The following SLC5A5 variants were observed in gnomAD, a reference collection of about 807,000 sequenced individuals.
The protein encoded by SLC5A5 is sodium/iodide cotransporter.
A neutral mutation model predicts 68.6 loss-of-function variants in SLC5A5; 56 were observed. The observed-to-expected ratio is 0.82, with a 90% confidence interval of 0.66 to 1.02. The LOEUF (loss-of-function observed/expected upper bound fraction) is 1.02. Among genes scored for constraint, SLC5A5 ranks in the 50% least tolerant of loss-of-function variants. The pLI is 0.00. For synonymous variants in SLC5A5, 398 were observed against 373.0 expected (o/e 1.07, Z -0.77); for missense variants, 807 against 859.8 (o/e 0.94, Z 0.77).
At position 17,872,274 on chromosome 19, in the gene SLC5A5, G is replaced by A. The variant is rs993887182; in HGVS notation, c.-46G>A. ...GCCCCTGCCAGCTTCCCCCGCTTGA[G>A]CACGCAGGGCGTCCGAGGACGCGCT... On this transcript the variant is annotated 5_prime_UTR_variant, in exon 1 of 15. Coordinates refer to ENST00000222248, the MANE Select transcript of SLC5A5 (RefSeq NM_000453.3). The A allele has an allele frequency of 2.8e-5, 36 of 1,276,678 alleles. No individual in the cohort carries two copies. The highest frequency in any genetic ancestry group is 3.9e-5 in the Non-Finnish European group (36 of 928,974). 79.1% of individuals were successfully genotyped at this position (1,276,678 alleles called of 1,614,324 possible). A position where few individuals can be genotyped will look rare whatever the true frequency, so the allele number is the denominator to read the frequency against.
chr19:17,872,692 C>T lies in SLC5A5; in HGVS notation c.357+16C>T, dbSNP rs2094297326. 1.3e-6 allele frequency: 2 copies of T among 1,487,962 alleles called. No individual in the cohort carries two copies. The highest frequency in any genetic ancestry group is 1.9e-6 in the Non-Finnish European group (2 of 1,073,560). 92.2% of individuals were successfully genotyped at this position (1,487,962 alleles called of 1,614,324 possible). A position where few individuals can be genotyped will look rare whatever the true frequency, so the allele number is the denominator to read the frequency against. ...CACCTACGAGGTACCGGACAGAGGC[C>T]CGGGGGTAGGACCTGCCCCACTGGC... On this transcript the variant is annotated intron_variant, in intron 1 of 14. Transcript: ENST00000222248.
chr19:17,878,911 G>T (rs1468980862), intron 7 of SLC5A5, among the ~76,000 whole-genome samples: 1 of 144,754 alleles, frequency 6.9e-6, no homozygotes. Flanking sequence ...GGAGGTGGAG[G>T]TTGCAGTGAG....
intron 12 of SLC5A5, among the ~76,000 whole-genome samples, chr19:17,885,656 C>G: frequency 6.6e-6 from 1 of 152,086 alleles, no homozygotes; most frequent in East Asian, 1.9e-4. Context: ...GCTGGGATTA[C>G]AGGTGTGAGG....
chr19:17,880,510 C>T (rs28562497), intron 7 of SLC5A5, among the ~76,000 whole-genome samples: 31,731 of 152,008 alleles, frequency 0.21, 3,454 homozygotes, highest in African/African-American at 0.22. Flanking sequence ...TCACCCTGCC[C>T]GGCCAGACCC....
chr19:17,885,221 G>T (rs2089964918), intron 12 of SLC5A5, among the ~76,000 whole-genome samples: 1 of 151,916 alleles, frequency 6.6e-6, no homozygotes. Flanking sequence ...ATGTTGCCCA[G>T]GCTGGTCTGG....
rs114255010 is a variant in SLC5A5, at chr19:17,879,018, C to T, written c.969+925C>T. 7.3e-4 allele frequency among the ~76,000 whole-genome samples: 104 copies of T among 142,066 alleles called. 5 individuals carry two copies. Among genetic ancestry groups the T allele is most frequent in the African/African-American group, 2.0e-3 (73 of 35,790 alleles). The allele number at this position is 142,066 out of a possible 152,430, so 93.2% of individuals were successfully genotyped here. A position where few individuals can be genotyped will look rare whatever the true frequency, so the allele number is the denominator to read the frequency against. On this transcript the variant is annotated intron_variant, in intron 7 of 14. Coordinates refer to ENST00000222248, the MANE Select transcript of SLC5A5 (RefSeq NM_000453.3). Reference sequence around the variant, plus strand: ...AAAAAAAAACCAAAACAAGGCTGGGCGCGGTGGCTTACGCCTATAATCTCA... The same window carrying T: ...AAAAAAAAACCAAAACAAGGCTGGGTGCGGTGGCTTACGCCTATAATCTCA...
intron 7 of SLC5A5, among the ~76,000 whole-genome samples, chr19:17,880,289 G>A (rs987209536): frequency 6.7e-5 from 10 of 149,604 alleles, no homozygotes; most frequent in Admixed American, 1.3e-4. Flanking sequence ...ATCTCCGCTC[G>A]CTGCAACCTC....
intron 7 of SLC5A5, among the ~76,000 whole-genome samples, chr19:17,880,565 C>T (rs982380076): frequency 2.6e-5 from 4 of 152,120 alleles, no homozygotes; most frequent in African/African-American, 7.2e-5. Flanking sequence ...GGCATGGTGG[C>T]GCACACCTGT....
chr19:17,875,996 G>C lies in SLC5A5; in HGVS notation c.588G>C (p.Val196=), dbSNP rs754877754. Residue 196 remains valine, a synonymous_variant, in exon 5 of 15, where the codon GTG becomes GTC. Coordinates refer to ENST00000222248, the MANE Select transcript of SLC5A5 (RefSeq NM_000453.3). ...AVVWTDVFQV[V]VMLSGFWVVL... ...TCTGGACTGATGTGTTCCAGGTCGT[G>C]GTGATGCTAAGTGGCTTCTGGGTTG... 3.7e-6 allele frequency: 6 copies of C among 1,614,036 alleles called. No homozygotes were observed. The highest frequency in any genetic ancestry group is 5.1e-6 in the Non-Finnish European group (6 of 1,180,044).
At chr19:17,883,313 A>AC (rs2094325057) in intron 10 of SLC5A5, among the ~76,000 whole-genome samples, 1 of 143,548 alleles carries the variant, frequency 7.0e-6, no homozygotes, top group Non-Finnish European at 1.5e-5. Context: ...GGAATTGGGA[A>AC]GGGGGAGGTG....
At position 17,893,731 on chromosome 19, in the gene SLC5A5, A is replaced by G. The variant is rs2147758899; in HGVS notation, c.1786A>G (p.Thr596Ala). The stretch of plus-strand genomic sequence containing the variant: ...TCCCCAGGGTCCTGAAGAACTCCCC[A>G]CTGGAAACAAGAAGCCCCCTGGCTT... ...NLVKGPEELP[T>A]GNKKPPGFLP... Residue 596 changes from threonine (T) to alanine (A), a missense_variant, in exon 15 of 15, where the codon ACT becomes GCT. Thr to Ala is a moderately conservative substitution (Grantham distance 58). Transcript: ENST00000222248. 6.2e-7 allele frequency: 1 copy of G among 1,613,936 alleles called. No individual in the cohort carries two copies. Among genetic ancestry groups the G allele is most frequent in the Non-Finnish European group, 8.5e-7 (1 of 1,179,954 alleles).
Position 17,891,008 on chromosome 19 carries a change from CT to C in SLC5A5, c.1767+9del. 6.3e-7 allele frequency: 1 copy of C among 1,583,894 alleles called. No individual in the cohort carries two copies. ...GGATGACAACTTGGTCAAGGTCAGT[CT>C]TAGGCTGGGTTCCCAGATCTAGAGG... On this transcript the variant is annotated splice_region_variant and intron_variant, in intron 14 of 14. Transcript: ENST00000222248.
chr19:17,891,055 G>A (rs2030149668), intron 14 of SLC5A5, 54 bp downstream of exon 14: 5 of 1,099,476 alleles, frequency 4.5e-6, no homozygotes, highest in Non-Finnish European at 4.2e-6. Context: ...ACTTTAGGAC[G>A]TGACCACAGC....
intron 7 of SLC5A5, 70 bp downstream of exon 7, chr19:17,878,163 G>A (rs1198368450): frequency 1.3e-6 from 2 of 1,543,732 alleles, no homozygotes. Flanking sequence ...AGGTCGAAGA[G>A]CATTCCTAGC....
Position 17,876,124 on chromosome 19 carries a change from G to T in SLC5A5, c.698+18G>T. ...CTCATGGAGTGAGTGAAAATGCAGA[G>T]GATACTCCAGCAGGATGGGGCTGGG... On this transcript the variant is annotated intron_variant, in intron 5 of 14. Coordinates refer to ENST00000222248, the MANE Select transcript of SLC5A5 (RefSeq NM_000453.3). 1 of 1,613,342 alleles carries T rather than the reference G, an allele frequency of 6.2e-7. No individual in the cohort carries two copies. Among genetic ancestry groups the T allele is most frequent in the Non-Finnish European group, 8.5e-7 (1 of 1,179,658 alleles).
chr19:17,878,989 CAA>C (rs764175985), intron 7 of SLC5A5, among the ~76,000 whole-genome samples: 1 of 106,116 alleles, frequency 9.4e-6, no homozygotes, highest in East Asian at 2.9e-4. Context: ...AAAAAAAAAA[CAA>C]AAAAAAAAAA....
In SLC5A5 at chr19:17,872,364, G is replaced by T; in HGVS notation, c.45G>T (p.Trp15Cys). 1 of 1,592,988 alleles carries T rather than the reference G, an allele frequency of 6.3e-7. No homozygotes were observed. The change falls in exon 1 of 15, where the codon TGG becomes TGT. Residue 15 changes from tryptophan to cysteine, a missense_variant. Trp to Cys is a radical substitution (Grantham distance 215). Coordinates refer to ENST00000222248, the MANE Select transcript of SLC5A5 (RefSeq NM_000453.3). ...GGGAACGGCCCACCTTCGGAGCCTG[G>T]GACTACGGGGTCTTTGCCCTCATGC... ...ETGERPTFGA[W>C]DYGVFALMLL...
Position 17,894,988 on chromosome 19 carries a change from G to A in SLC5A5, c.*1111G>A, listed in dbSNP as rs1411097410. The A allele has an allele frequency of 1.3e-5, 2 of 152,122 alleles. No individual in the cohort carries two copies. Among genetic ancestry groups the A allele is most frequent in the Admixed American group, 1.3e-4 (2 of 15,214 alleles). The allele number at this position is 152,122 out of a possible 1,614,324, so 9.4% of individuals were successfully genotyped here. A position where few individuals can be genotyped will look rare whatever the true frequency, so the allele number is the denominator to read the frequency against. On this transcript the variant is annotated 3_prime_UTR_variant, in exon 15 of 15. Transcript: ENST00000222248. Reference sequence around the variant, plus strand: ...GATGCCACGTGAAGACAGAGGCAGTGGTTGGATCAATGCATCTACGAGTCG... The same window carrying A: ...GATGCCACGTGAAGACAGAGGCAGTAGTTGGATCAATGCATCTACGAGTCG...
chr19:17,889,666 C>T (rs1443545249), intron 13 of SLC5A5, among the ~76,000 whole-genome samples: 1 of 152,132 alleles, frequency 6.6e-6, no homozygotes, highest in Non-Finnish European at 1.5e-5. Context: ...AGCTATGTTG[C>T]TTTCTTGACA....
Sources: gnomAD v4.1 joint callset for allele counts (sites outside exome capture counted in the v4.1 genomes callset) on GRCh38, gnomAD v4.1.1 for gene constraint, MANE v1.5 for transcripts, NCBI Gene and HGNC (gene_info 2026-07-23, HGNC 2026-07-21) for gene names.